Variants in SNX30 observed in about 807,000 individuals in gnomAD.
SNX30 encodes the protein sorting nexin-30.
In SNX30, 24 loss-of-function variants were observed where a neutral mutation model predicts 46.4. That is an observed-to-expected ratio of 0.52 (90% confidence interval 0.37 to 0.73). The LOEUF (loss-of-function observed/expected upper bound fraction) is 0.73, where lower values mean the gene tolerates loss of function less well. Among genes scored for constraint, SNX30 ranks in the 30% least tolerant of loss-of-function variants. The pLI is 0.00. For synonymous variants in SNX30, 189 were observed against 211.5 expected, an observed-to-expected ratio of 0.89 and a Z score of 0.92; for missense variants, 533 against 555.7, an observed-to-expected ratio of 0.96 and a Z score of 0.41.
chr9:112,771,839 C>G (rs1488699157), intron 1 of SNX30, among the ~76,000 whole-genome samples: 1 of 152,152 alleles, frequency 6.6e-6, no homozygotes, highest in Non-Finnish European at 1.5e-5. Context: ...AGAGACAGTG[C>G]TTTTCTGGTA....
chr9:112,844,271 G>C (rs1840904022), intron 6 of SNX30, among the ~76,000 whole-genome samples: 3 of 152,154 alleles, frequency 2.0e-5, no homozygotes, highest in African/African-American at 7.2e-5. Context: ...GGACGGGGAG[G>C]GTCCAGGGAG....
intron 1 of SNX30, among the ~76,000 whole-genome samples, chr9:112,793,087 A>G (rs2131390316): frequency 6.6e-6 from 1 of 152,306 alleles, no homozygotes. Context: ...TGATGAGATA[A>G]TAATTCAGAC....
intron 1 of SNX30, among the ~76,000 whole-genome samples, chr9:112,787,936 A>G (rs1361099995): frequency 1.3e-5 from 2 of 151,992 alleles, no homozygotes; most frequent in South Asian, 2.1e-4. Context: ...AGCTGGGACT[A>G]CAGACGCATG....
At chr9:112,771,172 A>G (rs1839643007) in intron 1 of SNX30, among the ~76,000 whole-genome samples, 2 of 152,320 alleles carry the variant, frequency 1.3e-5, no homozygotes, top group African/African-American at 2.4e-5. Context: ...AAGGGGCCTG[A>G]TCTGGTTTGC....
chr9:112,884,832 T>G (rs1841624036), downstream of SNX30, among the ~76,000 whole-genome samples: 2 of 152,228 alleles, frequency 1.3e-5, no homozygotes, highest in Admixed American at 1.3e-4. Flanking sequence ...TTTTGGGTTT[T>G]GTTTAGGTTA....
At position 112,872,047 on chromosome 9, in the gene SNX30, A is replaced by C. The variant is rs1841454965; in HGVS notation, c.*3204A>C. 1 of 152,210 alleles carries C rather than the reference A, an allele frequency of 6.6e-6. No individual in the cohort carries two copies. Among genetic ancestry groups the C allele is most frequent in the East Asian group, 1.9e-4 (1 of 5,196 alleles). 9.4% of individuals were successfully genotyped at this position (152,210 alleles called of 1,614,324 possible). ...CTCACCAGACACCTTTCTTTAGTTG[A>C]AATAAACCAGCATGACCTGGAGATC... On this transcript the variant is annotated 3_prime_UTR_variant, in exon 9 of 9. Coordinates refer to ENST00000374232, the MANE Select transcript of SNX30 (RefSeq NM_001012994.2).
chr9:112,785,620 G>C (rs1055021054), intron 1 of SNX30, among the ~76,000 whole-genome samples: 1 of 152,144 alleles, frequency 6.6e-6, no homozygotes, highest in Non-Finnish European at 1.5e-5. Flanking sequence ...CTGGCCTCAA[G>C]TGATCTGCCT....
At position 112,797,705 on chromosome 9, in the gene SNX30, CTTTTTCTTTTT is replaced by C. The variant is rs982335295; in HGVS notation, c.157-7065_157-7055del. On this transcript the variant is annotated intron_variant, in intron 1 of 8. Coordinates refer to ENST00000374232, the MANE Select transcript of SNX30 (RefSeq NM_001012994.2). ...TTGCGCTCTCTCTTCTTTTCTTTTT[CTTTTTCTTTTT>C]TTTTTTTTTTTGAGATGGAGTCTTG... Among the ~76,000 whole-genome samples the C allele has an allele frequency of 8.5e-4, 60 of 70,728 alleles. No individual in the cohort carries two copies. The East Asian group carries it at 0.022, about 26-fold the overall frequency. The allele number at this position is 70,728 out of a possible 152,430, so 46.4% of individuals were successfully genotyped here.
chr9:112,837,891 T>TTC (rs1228871635), intron 5 of SNX30, among the ~76,000 whole-genome samples: 3 of 136,596 alleles, frequency 2.2e-5, no homozygotes, highest in Non-Finnish European at 4.6e-5. Flanking sequence ...TCTTTTCTTT[T>TTC]TTTTTTTTTT....
At chr9:112,767,119 A>ATTTTCTTTTT (rs776895151) in intron 1 of SNX30, among the ~76,000 whole-genome samples, 1 of 28,812 alleles carries the variant, frequency 3.5e-5, no homozygotes, top group African/African-American at 9.8e-5. Context: ...AACACTAATT[A>ATTTTCTTTTT]TTTTATTTTT....
At chr9:112,821,471 G>A (rs1840493895) in intron 3 of SNX30, among the ~76,000 whole-genome samples, 1 of 151,792 alleles carries the variant, frequency 6.6e-6, no homozygotes, top group South Asian at 2.1e-4. Context: ...GTATATGTGT[G>A]TATATATATG....
rs750193675 is a variant in SNX30, at chr9:112,864,279, G to A, written c.1134G>A (p.Arg378=). ...VPADVEKCQD[R]MECFNADLKA... is the part of the protein sequence containing the mutation. ...CGGACGTCGAGAAATGTCAGGATCGGATGGAGTGTTTCAATGCTGACCTGA... is the reference window on the plus strand; with the variant it reads ...CGGACGTCGAGAAATGTCAGGATCGAATGGAGTGTTTCAATGCTGACCTGA... The change falls in exon 8 of 9, where the codon CGG becomes CGA. Residue 378 remains arginine (R), a synonymous_variant. Transcript: ENST00000374232. 1 of 1,614,170 alleles carries A rather than the reference G, an allele frequency of 6.2e-7. No homozygotes were observed. The highest frequency in any genetic ancestry group is 1.1e-5 in the South Asian group (1 of 91,080).
At chr9:112,864,509 T>G in intron 8 of SNX30, 110 bp downstream of exon 8, 1 of 1,419,614 alleles carries the variant, frequency 7.0e-7, no homozygotes, top group Non-Finnish European at 9.8e-7. Flanking sequence ...CTTCCCTTAT[T>G]TTAGCTGCTT....
intron 1 of SNX30, among the ~76,000 whole-genome samples, chr9:112,759,548 C>T (rs542354971): frequency 7.9e-5 from 12 of 151,940 alleles, no homozygotes; most frequent in Non-Finnish European, 1.0e-4. Flanking sequence ...GCCAACATGG[C>T]GAAACCCTGT....
intron 6 of SNX30, among the ~76,000 whole-genome samples, chr9:112,844,484 G>A (rs918532703): frequency 7.2e-5 from 11 of 152,242 alleles, no homozygotes; most frequent in Middle Eastern, 6.8e-3. Flanking sequence ...ATTGAGGTGC[G>A]TAGAGTGTGA....
intron 7 of SNX30, among the ~76,000 whole-genome samples, chr9:112,859,101 C>T (rs1330725500): frequency 6.6e-6 from 1 of 152,088 alleles, no homozygotes; most frequent in Non-Finnish European, 1.5e-5. Context: ...CCCCTCCTGC[C>T]GGCCTCTAGA....
intron 6 of SNX30, among the ~76,000 whole-genome samples, chr9:112,840,239 C>T (rs1840833554): frequency 6.6e-6 from 1 of 152,186 alleles, no homozygotes; most frequent in African/African-American, 2.4e-5. Flanking sequence ...AGGATAAAGT[C>T]AGATTTGAGA....
chr9:112,766,476 G>A (rs1005439819), intron 1 of SNX30, among the ~76,000 whole-genome samples: 4 of 152,128 alleles, frequency 2.6e-5, no homozygotes, highest in African/African-American at 7.2e-5. Flanking sequence ...TAAGTACCCT[G>A]GCTTGTTTTT....
At chr9:112,863,182 C>T (rs1479854604) in intron 7 of SNX30, among the ~76,000 whole-genome samples, 2 of 152,158 alleles carry the variant, frequency 1.3e-5, no homozygotes, top group African/African-American at 2.4e-5. Context: ...TCCTTGTCCA[C>T]GAGGCTTGGG....
Sources: gnomAD v4.1 joint callset for allele counts (sites outside exome capture counted in the v4.1 genomes callset) on GRCh38, gnomAD v4.1.1 for gene constraint, MANE v1.5 for transcripts, NCBI Gene and HGNC (gene_info 2026-07-23, HGNC 2026-07-21) for gene names.